The following NAALADL2 variants were observed in gnomAD, a reference collection of about 807,000 sequenced individuals.
NAALADL2 encodes inactive N-acetylated-alpha-linked acidic dipeptidase-like protein 2.
NAALADL2 carries 76 observed loss-of-function variants against 87.2 expected under a neutral mutation model. That is an observed-to-expected ratio of 0.87 (90% confidence interval 0.72 to 1.05). The LOEUF (loss-of-function observed/expected upper bound fraction) is 1.05, where lower values mean the gene tolerates loss of function less well. Ranked by LOEUF, NAALADL2 falls within the 50% of genes least tolerant of loss-of-function variation. The probability of loss-of-function intolerance (pLI) is 0.00; values close to 1 mark genes in which losing one functional copy is unlikely to be tolerated. For synonymous variants in NAALADL2, 354 were observed against 331.0 expected, an observed-to-expected ratio of 1.07 and a Z score of -0.75; for missense variants, 1,089 against 945.8, an observed-to-expected ratio of 1.15 and a Z score of -1.99.
intron 2 of NAALADL2, among the ~76,000 whole-genome samples, chr3:174,590,061 T>C (rs1328131264): frequency 6.6e-6 from 1 of 152,154 alleles, no homozygotes; most frequent in Non-Finnish European, 1.5e-5. Context: ...AATTCTTTTT[T>C]TAGAAATGAG....
chr3:174,788,504 G>A (rs1717073309), intron 3 of NAALADL2, among the ~76,000 whole-genome samples: 1 of 152,126 alleles, frequency 6.6e-6, no homozygotes, highest in Non-Finnish European at 1.5e-5. Flanking sequence ...GCAGATGGCT[G>A]CCTTCTTGCT....
At chr3:175,025,481 T>C (rs1027667946) in intron 1 of NAALADL2, among the ~76,000 whole-genome samples, 6 of 152,146 alleles carry the variant, frequency 3.9e-5, no homozygotes, top group African/African-American at 1.4e-4. Flanking sequence ...TATAATAACA[T>C]GTACTATATA....
chr3:175,340,107 A>T (rs951460076), intron 5 of NAALADL2, among the ~76,000 whole-genome samples: 2 of 152,150 alleles, frequency 1.3e-5, no homozygotes, highest in Non-Finnish European at 2.9e-5. Flanking sequence ...ACTAAACAGG[A>T]TAGGAACCAT....
At chr3:174,897,526 G>A (rs1003161505) in intron 1 of NAALADL2, among the ~76,000 whole-genome samples, 3 of 152,130 alleles carry the variant, frequency 2.0e-5, no homozygotes, top group Non-Finnish European at 4.4e-5. Flanking sequence ...ACAAATGCTG[G>A]CAAGGATGTG....
intron 5 of NAALADL2, among the ~76,000 whole-genome samples, chr3:175,356,374 A>G (rs1317165846): frequency 6.6e-6 from 1 of 151,956 alleles, no homozygotes; most frequent in East Asian, 1.9e-4. Context: ...CTTGAGCCCA[A>G]GAGTTCAAGA....
chr3:174,607,483 A>C (rs991829071), intron 2 of NAALADL2, among the ~76,000 whole-genome samples: 4 of 150,280 alleles, frequency 2.7e-5, no homozygotes, highest in East Asian at 3.9e-4. Context: ...TCTACCAAGC[A>C]AATGGAAAAC....
intron 2 of NAALADL2, among the ~76,000 whole-genome samples, chr3:174,614,445 C>T (rs1034449227): frequency 2.0e-5 from 3 of 152,244 alleles, no homozygotes; most frequent in East Asian, 1.9e-4. Context: ...CAGTTGAGTT[C>T]GGTCTAGTTT....
At chr3:175,759,212 C>T (rs899429581) in intron 13 of NAALADL2, among the ~76,000 whole-genome samples, 64 of 152,172 alleles carry the variant, frequency 4.2e-4, no homozygotes, top group African/African-American at 1.4e-3. Context: ...TCATCTAATT[C>T]AAGAGCTAAA....
intron 3 of NAALADL2, among the ~76,000 whole-genome samples, chr3:174,775,054 T>G (rs934849700): frequency 6.6e-6 from 1 of 152,074 alleles, no homozygotes; most frequent in African/African-American, 2.4e-5. Context: ...CTGTTATGAG[T>G]ATAATCTGTT....
chr3:175,718,400 A>T, intron 11 of NAALADL2: 5 of 1,591,980 alleles, frequency 3.1e-6, no homozygotes, highest in Non-Finnish European at 4.3e-6. Flanking sequence ...TACTCCATTC[A>T]TATTAATTTT....
intron 1 of NAALADL2, among the ~76,000 whole-genome samples, chr3:175,083,136 G>T (rs539564525): frequency 7.9e-5 from 12 of 152,206 alleles, no homozygotes; most frequent in African/African-American, 2.9e-4. Flanking sequence ...TAAATTCTAG[G>T]ATGGATTTTC....
intron 10 of NAALADL2, among the ~76,000 whole-genome samples, chr3:175,615,095 G>C (rs1582634393): frequency 1.3e-5 from 2 of 152,176 alleles, no homozygotes; most frequent in African/African-American, 4.8e-5. Flanking sequence ...AAAAAGGACA[G>C]CTCTTTGATT....
chr3:175,012,330 AAT>A (rs1464631461), intron 1 of NAALADL2, among the ~76,000 whole-genome samples: 5 of 145,994 alleles, frequency 3.4e-5, no homozygotes, highest in Non-Finnish European at 7.5e-5. Flanking sequence ...AGGCCTGGCT[AAT>A]ATTTTTTTTA....
intron 1 of NAALADL2, among the ~76,000 whole-genome samples, chr3:174,922,029 A>T (rs1206733970): frequency 6.6e-6 from 1 of 151,992 alleles, no homozygotes; most frequent in Non-Finnish European, 1.5e-5. Flanking sequence ...TTAATAATAT[A>T]AACTATTTTG....
chr3:174,828,405 C>A (rs1473411786), intron 3 of NAALADL2, among the ~76,000 whole-genome samples: 11 of 152,144 alleles, frequency 7.2e-5, no homozygotes, highest in Non-Finnish European at 2.9e-5. Context: ...TGCTTGGCAT[C>A]ATAGAGGTGT....
At chr3:175,576,630 A>G (rs1718941642) in intron 10 of NAALADL2, among the ~76,000 whole-genome samples, 1 of 152,174 alleles carries the variant, frequency 6.6e-6, no homozygotes, top group East Asian at 1.9e-4. Context: ...CTTAAAAAAG[A>G]TAGTACTTTT....
At chr3:174,603,527 A>G (rs1436168905) in intron 2 of NAALADL2, among the ~76,000 whole-genome samples, 1 of 151,598 alleles carries the variant, frequency 6.6e-6, no homozygotes, top group African/African-American at 2.4e-5. Flanking sequence ...TAAGTTTATC[A>G]ATTTTGTTTA....
At chr3:175,138,136 T>A (rs1580654551) in intron 2 of NAALADL2, among the ~76,000 whole-genome samples, 1 of 151,348 alleles carries the variant, frequency 6.6e-6, no homozygotes, top group African/African-American at 2.4e-5. Context: ...GAGGATGGAG[T>A]GAGAAATGCA....
At chr3:174,622,794 A>G (rs1721142493) in intron 2 of NAALADL2, among the ~76,000 whole-genome samples, 1 of 152,164 alleles carries the variant, frequency 6.6e-6, no homozygotes, top group South Asian at 2.1e-4. Context: ...TAATCCCAGC[A>G]CTTTGGGAGG....
Sources: allele counts gnomAD v4.1 joint callset (sites outside exome capture counted in the v4.1 genomes callset), GRCh38; gene constraint gnomAD v4.1.1; transcripts MANE v1.5; gene names NCBI Gene and HGNC (gene_info 2026-07-23, HGNC 2026-07-21).